FGD6: variants seen among roughly 807,000 people sequenced by gnomAD.
FGD6 encodes the protein FYVE, RhoGEF and PH domain containing 6, also known as FYVE, RhoGEF and PH domain-containing protein 6.
A neutral mutation model predicts 149.4 loss-of-function variants in FGD6; 90 were observed. The ratio of observed to expected loss-of-function variants is 0.60; its 90% confidence interval spans 0.51 to 0.72. FGD6 has a LOEUF of 0.72. Among genes scored for constraint, FGD6 ranks in the 30% least tolerant of loss-of-function variants. The pLI is 0.00. For missense variants in FGD6, 1,437 were observed against 1,684.8 expected (o/e 0.85, Z 2.57); for synonymous variants, 527 against 584.0 (o/e 0.90, Z 1.41).
chr12:95,181,735 C>G (rs1444032889), intron 2 of FGD6, among the ~76,000 whole-genome samples: 1 of 152,164 alleles, frequency 6.6e-6, no homozygotes, highest in Non-Finnish European at 1.5e-5. Context: ...AGGCAGATCA[C>G]AAGGTCAGGA....
intron 14 of FGD6, among the ~76,000 whole-genome samples, chr12:95,096,480 T>C (rs1878236223): frequency 6.6e-6 from 1 of 152,206 alleles, no homozygotes; most frequent in Non-Finnish European, 1.5e-5. Flanking sequence ...AATCTCTTTC[T>C]CTCTAAACCA....
intron 3 of FGD6, among the ~76,000 whole-genome samples, chr12:95,160,495 T>C (rs889121906): frequency 1.3e-5 from 2 of 152,094 alleles, no homozygotes; most frequent in African/African-American, 4.8e-5. Context: ...CTGAGCTATG[T>C]GAGGTATGCA....
At chr12:95,193,845 A>T (rs1296693719) in intron 2 of FGD6, among the ~76,000 whole-genome samples, 1 of 151,400 alleles carries the variant, frequency 6.6e-6, no homozygotes, top group East Asian at 2.0e-4. Context: ...GAATTTTTTT[A>T]AAATGCCAAT....
At chr12:95,216,669 C>CAAAAAAAAAAA (rs143881424) in intron 1 of FGD6, among the ~76,000 whole-genome samples, 17 of 88,706 alleles carry the variant, frequency 1.9e-4, no homozygotes, top group Non-Finnish European at 2.3e-4. Flanking sequence ...TGCAGACAAG[C>CAAAAAAAAAAA]AAAAAAAAAA....
intron 2 of FGD6, among the ~76,000 whole-genome samples, chr12:95,182,421 G>A (rs534322504): frequency 4.2e-4 from 64 of 152,106 alleles, no homozygotes; most frequent in Non-Finnish European, 7.4e-4. Flanking sequence ...GGCTGGTGTC[G>A]GACTCCTGAC....
intron 1 of FGD6, 116 bp downstream of exon 1, chr12:95,217,109 G>A (rs1028444030): frequency 1.3e-6 from 2 of 1,504,384 alleles, no homozygotes; most frequent in Non-Finnish European, 9.0e-7. Context: ...CGAGGTGCTC[G>A]GCAAAGGTAC....
intron 3 of FGD6, among the ~76,000 whole-genome samples, chr12:95,169,906 A>C (rs1880940969): frequency 6.6e-6 from 1 of 152,060 alleles, no homozygotes; most frequent in African/African-American, 2.4e-5. Context: ...GGATCACCTG[A>C]GGTCAGTAGT....
At position 95,209,735 on chromosome 12, in the gene FGD6, C is replaced by T. The variant is rs1469823773; in HGVS notation, c.1549G>A (p.Glu517Lys). The part of the protein sequence containing the change: ...TGVLKKAASE[E>K]LLEKSSYPSS... ...GGATAAGAACTTTTTTCCAAAAGCT[C>T]CTCGGAGGCAGCCTTTTTAAGCACT... The change falls in exon 2 of 21, where the codon GAG becomes AAG. Residue 517 changes from glutamate (E) to lysine (K), a missense_variant. Physicochemically the swap from Glu to Lys is moderately conservative, Grantham distance 56. Transcript: ENST00000343958. 6.2e-7 allele frequency: 1 copy of T among 1,614,070 alleles called. No individual in the cohort carries two copies. Among genetic ancestry groups the T allele is most frequent in the Non-Finnish European group, 8.5e-7 (1 of 1,180,022 alleles).
chr12:95,152,640 G>A (rs1880344252), intron 5 of FGD6, among the ~76,000 whole-genome samples, 171 bp downstream of exon 5: 1 of 152,076 alleles, frequency 6.6e-6, no homozygotes, highest in Admixed American at 6.6e-5. Flanking sequence ...TGAAGACTTT[G>A]GACATATAGC....
chr12:95,215,313 A>G (rs1216092965), intron 1 of FGD6, among the ~76,000 whole-genome samples: 4 of 152,182 alleles, frequency 2.6e-5, no homozygotes, highest in Non-Finnish European at 5.9e-5. Context: ...AATTAAACCA[A>G]CCCTTCCAAA....
chr12:95,102,457 A>AAAAAC lies in FGD6; in HGVS notation c.3497+2549_3497+2550insGTTTT, dbSNP rs1555216922. On this transcript the variant is annotated intron_variant, in intron 14 of 20. Transcript: ENST00000343958. ...AGACCCTTTCTCAAAAAAAAAAAAA[A>AAAAAC]AAAAAAAAAACACAACAACAATAAA... is the stretch of plus-strand genomic sequence containing the variant. Among the ~76,000 whole-genome samples, 6 of 151,368 alleles carry AAAAAC rather than the reference A, an allele frequency of 4.0e-5. No homozygotes were observed. The East Asian group carries it at 9.7e-4, about 25-fold the overall frequency.
In FGD6 at chr12:95,084,541, A is replaced by G. The variant is rs762050030; in HGVS notation, c.4213T>C (p.Leu1405=). The G allele has an allele frequency of 1.2e-6, 2 of 1,603,042 alleles. No individual in the cohort carries two copies. Among genetic ancestry groups the G allele is most frequent in the South Asian group, 1.1e-5 (1 of 87,758 alleles). Residue 1405 remains leucine, a synonymous_variant, in exon 20 of 21, where the codon TTA becomes CTA. Transcript: ENST00000343958. The part of the protein sequence containing the change: ...KVFQLLHKNM[L]FYVFKAEDAH... ...TCCTCTGCTTTGAATACATAAAATA[A>G]CATGTTTTTGTGCAGTAACTGAAAT...
At chr12:95,215,598 G>A (rs2056749372) in intron 1 of FGD6, among the ~76,000 whole-genome samples, 1 of 152,156 alleles carries the variant, frequency 6.6e-6, no homozygotes, top group Non-Finnish European at 1.5e-5. Flanking sequence ...AACCAACTCG[G>A]CTAGACACAG....
In FGD6 at chr12:95,107,545, C is replaced by T. The variant is rs1216218177; in HGVS notation, c.3333+18G>A. On this transcript the variant is annotated intron_variant, in intron 12 of 20. Coordinates refer to ENST00000343958, the MANE Select transcript of FGD6 (RefSeq NM_018351.4). The stretch of plus-strand genomic sequence containing the variant: ...TATCCCTACCTCGGCCACATCAGAA[C>T]TACACAAGTCCTCTTACCAGGAAAA... 1.2e-6 allele frequency: 2 copies of T among 1,613,638 alleles called. No individual in the cohort carries two copies. Among genetic ancestry groups the T allele is most frequent in the Non-Finnish European group, 1.7e-6 (2 of 1,179,812 alleles).
chr12:95,154,653 G>C (rs1337242646), intron 3 of FGD6, among the ~76,000 whole-genome samples: 1 of 152,198 alleles, frequency 6.6e-6, no homozygotes, highest in African/African-American at 2.4e-5. Flanking sequence ...GTTTTAGAAA[G>C]AGGTCTCTTT....
chr12:95,110,269 C>T (rs1396257741), intron 9 of FGD6, among the ~76,000 whole-genome samples: 1 of 151,956 alleles, frequency 6.6e-6, no homozygotes, highest in African/African-American at 2.4e-5. Flanking sequence ...AGCCACCACA[C>T]CCGGCCTGTA....
rs376713942 is a variant in FGD6, at chr12:95,147,269, G to A, written c.2685+5542C>T. ...GTCCCCACATTAACCATTTGACTTT[G>A]TTTTTAAAATAAAAATATTTTCCCA... On this transcript the variant is annotated intron_variant, in intron 5 of 20. Transcript: ENST00000343958. 4.5e-4 allele frequency among the ~76,000 whole-genome samples: 68 copies of A among 152,168 alleles called. No individual in the cohort carries two copies. In the East Asian group the frequency reaches 5.2e-3, roughly 12 times the overall value.
chr12:95,085,689 T>C (rs1334909829), intron 19 of FGD6, 91 bp downstream of exon 19: 5 of 1,411,454 alleles, frequency 3.5e-6, no homozygotes, highest in African/African-American at 1.4e-5. Context: ...AAAAATCTTA[T>C]GTAAAATAAA....
At chr12:95,170,725 T>C (rs1290712015) in intron 3 of FGD6, among the ~76,000 whole-genome samples, 6 of 152,190 alleles carry the variant, frequency 3.9e-5, no homozygotes, top group African/African-American at 1.4e-4. Context: ...ACCTGGAACA[T>C]AGTGCAAATT....
Sources: gnomAD v4.1 joint callset for allele counts (sites outside exome capture counted in the v4.1 genomes callset) on GRCh38, gnomAD v4.1.1 for gene constraint, MANE v1.5 for transcripts, NCBI Gene and HGNC (gene_info 2026-07-23, HGNC 2026-07-21) for gene names.